The following PAAF1 variants were observed in gnomAD, a reference collection of about 807,000 sequenced individuals.
The protein encoded by PAAF1 is proteasomal ATPase associated factor 1.
In PAAF1, 46 loss-of-function variants were observed where a neutral mutation model predicts 52.8. That is an observed-to-expected ratio of 0.87 (90% confidence interval 0.69 to 1.11). The LOEUF (loss-of-function observed/expected upper bound fraction) is 1.11. Among genes scored for constraint, PAAF1 ranks in the 50% most tolerant of loss-of-function variants. The probability of loss-of-function intolerance (pLI) is 0.00; values close to 1 mark genes in which losing one functional copy is unlikely to be tolerated. For synonymous variants in PAAF1, 178 were observed against 172.8 expected, an observed-to-expected ratio of 1.03 and a Z score of -0.24; for missense variants, 424 against 477.4, an observed-to-expected ratio of 0.89 and a Z score of 1.04.
Position 73,899,812 on chromosome 11 carries a change from G to A in PAAF1, c.382-458G>A, listed in dbSNP as rs113474771. Reference sequence around the variant, plus strand: ...AGCCAGACCAGTGAAGGTCTAAGTGGGTGTGCCCTTGTTTTTTAATTGCCT... The same window carrying A: ...AGCCAGACCAGTGAAGGTCTAAGTGAGTGTGCCCTTGTTTTTTAATTGCCT... On this transcript the variant is annotated intron_variant, in intron 5 of 11. Transcript: ENST00000310571. Among the ~76,000 whole-genome samples, 646 of 152,230 alleles carry A rather than the reference G, an allele frequency of 4.2e-3. 4 individuals carry two copies. Among genetic ancestry groups the A allele is most frequent in the African/African-American group, 0.014 (597 of 41,540 alleles).
At position 73,887,373 on chromosome 11, in the gene PAAF1, C is replaced by T; in HGVS notation, c.108C>T (p.Gly36=). ...CHPPGKPSLY[G]SLTCQGIGLD... Reference sequence around the variant, plus strand: ...ATATAGGGAAACCATCTTTGTATGGCAGCCTGACTTGTCAAGGAATTGGCC... The same window carrying T: ...ATATAGGGAAACCATCTTTGTATGGTAGCCTGACTTGTCAAGGAATTGGCC... Residue 36 remains glycine, a synonymous_variant, in exon 3 of 12, where the codon GGC becomes GGT. Coordinates refer to ENST00000310571, the MANE Select transcript of PAAF1 (RefSeq NM_025155.3). 6.2e-7 allele frequency: 1 copy of T among 1,611,934 alleles called. No individual in the cohort carries two copies. Among genetic ancestry groups the T allele is most frequent in the Non-Finnish European group, 8.5e-7 (1 of 1,179,156 alleles).
chr11:73,912,491 T>A (rs1450323880), intron 7 of PAAF1, among the ~76,000 whole-genome samples: 1 of 152,084 alleles, frequency 6.6e-6, no homozygotes, highest in African/African-American at 2.4e-5. Context: ...CTTCAAAGTG[T>A]TTCTAATTTT....
intron 11 of PAAF1, among the ~76,000 whole-genome samples, chr11:73,924,935 T>G (rs113555237): frequency 1.3e-5 from 2 of 151,846 alleles, no homozygotes; most frequent in African/African-American, 4.8e-5. Context: ...GGTGGATCAC[T>G]TGAGGTCAGG....
At chr11:73,914,117 G>T (rs935989) in intron 7 of PAAF1, among the ~76,000 whole-genome samples, 6,169 of 152,108 alleles carry the variant, frequency 0.041, 420 homozygotes, top group African/African-American at 0.14. Context: ...ATTTACTGAG[G>T]TATCTTTTAC....
chr11:73,880,932 G>A (rs955142086), intron 2 of PAAF1, among the ~76,000 whole-genome samples: 1 of 152,018 alleles, frequency 6.6e-6, no homozygotes, highest in Admixed American at 6.6e-5. Context: ...CCCAGCAGGT[G>A]GAGGTTGCAG....
intron 6 of PAAF1, among the ~76,000 whole-genome samples, chr11:73,906,479 G>T (rs1949758536): frequency 6.6e-6 from 1 of 152,122 alleles, no homozygotes; most frequent in Non-Finnish European, 1.5e-5. Context: ...TTGAACTCCT[G>T]GCCTCGAGTG....
chr11:73,900,342 G>T lies in PAAF1; in HGVS notation c.454G>T (p.Gly152Trp), dbSNP rs748154777. 2 of 1,612,972 alleles carry T rather than the reference G, an allele frequency of 1.2e-6. No individual in the cohort carries two copies. The highest frequency in any genetic ancestry group is 1.3e-5 in the African/African-American group (1 of 74,914). The stretch of plus-strand genomic sequence containing the variant: ...CCCATCAGGCCTTGTGGTCCTGAGT[G>T]GGGGAATGGATGCCCAGCTGAAGAT... ...FFPSGLVVLS[G>W]GMDAQLKIWS... The change falls in exon 6 of 12, where the codon GGG (glycine) becomes TGG (tryptophan). Residue 152 changes from glycine to tryptophan, a missense_variant. Coordinates refer to ENST00000310571, the MANE Select transcript of PAAF1 (RefSeq NM_025155.3).
chr11:73,885,604 G>T (rs1949039288), intron 2 of PAAF1, among the ~76,000 whole-genome samples: 1 of 151,690 alleles, frequency 6.6e-6, no homozygotes, highest in South Asian at 2.1e-4. Context: ...CACTTCGGGA[G>T]GTTGAGGTGG....
upstream of PAAF1, chr11:73,876,986 G>A (rs1364602787): frequency 6.6e-7 from 1 of 1,511,912 alleles, no homozygotes. Context: ...TTCCGGGAAG[G>A]GGCGGAAGAG....
At chr11:73,908,497 A>G (rs940727477) in intron 6 of PAAF1, among the ~76,000 whole-genome samples, 1 of 150,952 alleles carries the variant, frequency 6.6e-6, no homozygotes, top group Non-Finnish European at 1.5e-5. Flanking sequence ...CTTGAACTCC[A>G]GGGCTCAAGC....
intron 4 of PAAF1, among the ~76,000 whole-genome samples, chr11:73,893,046 A>G (rs1227109574): frequency 6.6e-6 from 1 of 152,324 alleles, no homozygotes; most frequent in Non-Finnish European, 1.5e-5. Flanking sequence ...ATGGTATTCT[A>G]TTGATGAGTT....
At chr11:73,914,144 C>T (rs1950003249) in intron 7 of PAAF1, among the ~76,000 whole-genome samples, 1 of 152,006 alleles carries the variant, frequency 6.6e-6, no homozygotes, top group South Asian at 2.1e-4. Context: ...TAAAAGTCAC[C>T]CTTTTCCTTG....
At chr11:73,892,721 G>A (rs1949231921) in intron 4 of PAAF1, among the ~76,000 whole-genome samples, 1 of 152,134 alleles carries the variant, frequency 6.6e-6, no homozygotes, top group East Asian at 1.9e-4. Context: ...GTGCAGTGGT[G>A]CAGTCTCGGC....
At chr11:73,920,731 A>T (rs1950191208) in intron 10 of PAAF1, among the ~76,000 whole-genome samples, 1 of 150,846 alleles carries the variant, frequency 6.6e-6, no homozygotes, top group South Asian at 2.1e-4. Flanking sequence ...ACACATCTAT[A>T]GTCCCAACTA....
intron 6 of PAAF1, among the ~76,000 whole-genome samples, chr11:73,904,768 C>A (rs768139675): frequency 3.3e-5 from 5 of 152,040 alleles, no homozygotes; most frequent in Non-Finnish European, 7.4e-5. Context: ...AGAATATACA[C>A]CTGGGAATAT....
chr11:73,922,937 T>A (rs2135234455), intron 10 of PAAF1, among the ~76,000 whole-genome samples: 1 of 152,200 alleles, frequency 6.6e-6, no homozygotes, highest in East Asian at 1.9e-4. Flanking sequence ...CAAAATTTTT[T>A]GATGCAAATT....
intron 8 of PAAF1, among the ~76,000 whole-genome samples, chr11:73,915,799 T>C (rs1950046443): frequency 6.6e-6 from 1 of 152,228 alleles, no homozygotes; most frequent in Non-Finnish European, 1.5e-5. Context: ...CTTTAGTGAT[T>C]TGATTTGGCC....
intron 6 of PAAF1, among the ~76,000 whole-genome samples, chr11:73,907,468 C>T (rs1949794445): frequency 6.6e-6 from 1 of 152,160 alleles, no homozygotes; most frequent in African/African-American, 2.4e-5. Context: ...ACAGTTGCAC[C>T]ACCTGACTTG....
Position 73,930,718 on chromosome 11 carries a change from G to T in PAAF1, c.*3356G>T, listed in dbSNP as rs1208993732. On this transcript the variant is annotated 3_prime_UTR_variant, in exon 12 of 12. Transcript: ENST00000310571. ...GCTGAGATTGCACCACTGCACTCCA[G>T]CTTGGGCAACAGAGCGAGACTCTCT... The T allele has an allele frequency of 6.6e-6, 1 of 150,880 alleles. No homozygotes were observed. Among genetic ancestry groups the T allele is most frequent in the Non-Finnish European group, 1.5e-5 (1 of 67,888 alleles). The allele number at this position is 150,880 out of a possible 1,614,324, so 9.3% of individuals were successfully genotyped here. A position where few individuals can be genotyped will look rare whatever the true frequency, so the allele number is the denominator to read the frequency against.
Sources: gnomAD v4.1 joint callset for allele counts (sites outside exome capture counted in the v4.1 genomes callset) on GRCh38, gnomAD v4.1.1 for gene constraint, MANE v1.5 for transcripts, NCBI Gene and HGNC (gene_info 2026-07-23, HGNC 2026-07-21) for gene names.